ERICH3: variants seen among roughly 807,000 people sequenced by gnomAD.
The protein encoded by ERICH3 is glutamate-rich protein 3.
ERICH3 carries 126 observed loss-of-function variants against 131.1 expected under a neutral mutation model. The observed-to-expected ratio is 0.96, with a 90% CI of 0.83 to 1.11. The LOEUF (loss-of-function observed/expected upper bound fraction) is 1.11. ERICH3 is among the 50% of genes most tolerant of loss of function. The probability of loss-of-function intolerance (pLI) is 0.00; values close to 1 mark genes in which losing one functional copy is unlikely to be tolerated. For synonymous variants in ERICH3, 695 were observed against 644.6 expected, an observed-to-expected ratio of 1.08 and a Z score of -1.18; for missense variants, 2,050 against 1,810.7, an observed-to-expected ratio of 1.13 and a Z score of -2.40.
At chr1:74,632,740 T>C (rs1488209972) in intron 6 of ERICH3, among the ~76,000 whole-genome samples, 1 of 151,978 alleles carries the variant, frequency 6.6e-6, no homozygotes, top group African/African-American at 2.4e-5. Flanking sequence ...TCATATGGTA[T>C]GACCATAAAT....
intron 12 of ERICH3, among the ~76,000 whole-genome samples, chr1:74,579,220 G>C (rs576331857): frequency 5.5e-4 from 83 of 152,152 alleles, no homozygotes; most frequent in African/African-American, 1.9e-3. Context: ...AATTTATTTG[G>C]CAATTACATG....
chr1:74,654,231 T>G (rs1336588500), intron 1 of ERICH3, among the ~76,000 whole-genome samples: 1 of 152,130 alleles, frequency 6.6e-6, no homozygotes, highest in Non-Finnish European at 1.5e-5. Flanking sequence ...TTTTCTAGCA[T>G]GCACCTCAGA....
chr1:74,657,947 C>T (rs1646601647), intron 1 of ERICH3, among the ~76,000 whole-genome samples: 1 of 152,050 alleles, frequency 6.6e-6, no homozygotes, highest in South Asian at 2.1e-4. Context: ...GAAAGGTGAC[C>T]AGAATGGAAA....
intron 14 of ERICH3, 92 bp downstream of exon 14, chr1:74,571,007 G>C (rs1290541205): frequency 1.4e-6 from 2 of 1,436,300 alleles, no homozygotes; most frequent in Non-Finnish European, 1.9e-6. Flanking sequence ...TATGTGCACA[G>C]ACACCAATAA....
Position 74,589,965 on chromosome 1 carries a change from A to T in ERICH3, c.1842T>A (p.Ser614Arg). The change falls in exon 12 of 15, where the codon AGT becomes AGA. Residue 614 changes from serine (S) to arginine (R), a missense_variant. Coordinates refer to ENST00000326665, the MANE Select transcript of ERICH3 (RefSeq NM_001002912.5). The stretch of plus-strand genomic sequence containing the variant: ...GTTCCTGAGAAGATGACCTTCTGGC[A>T]CTTTCATCTGTGCTGCTGTCAGTGT... ...EAHTDSSTDE[S>R]ARRSSSQELS... is the part of the protein sequence containing the mutation. The T allele has an allele frequency of 6.2e-7, 1 of 1,614,000 alleles. No homozygotes were observed. Among genetic ancestry groups the T allele is most frequent in the Non-Finnish European group, 8.5e-7 (1 of 1,179,936 alleles).
At chr1:74,642,552 T>C (rs1163781611) in intron 4 of ERICH3, among the ~76,000 whole-genome samples, 1 of 151,746 alleles carries the variant, frequency 6.6e-6, no homozygotes, top group Non-Finnish European at 1.5e-5. Context: ...TTAAAATGCA[T>C]TTTACAAAAT....
chr1:74,649,382 A>C (rs192815339), intron 1 of ERICH3, 67 bp from the exon 2 acceptor site: 2 of 1,235,362 alleles, frequency 1.6e-6, no homozygotes, highest in Admixed American at 3.5e-5. Context: ...GCAATTCTTT[A>C]CTGTTTCCCC....
Position 74,641,428 on chromosome 1 carries a change from T to G in ERICH3, c.347A>C (p.Asn116Thr), listed in dbSNP as rs754234987. The G allele has an allele frequency of 3.1e-6, 5 of 1,610,926 alleles. No homozygotes were observed. The highest frequency in any genetic ancestry group is 1.7e-5 in the Admixed American group (1 of 59,180). The change falls in exon 5 of 15, where the codon AAC becomes ACC. Residue 116 changes from asparagine to threonine, a missense_variant. Coordinates refer to ENST00000326665, the MANE Select transcript of ERICH3 (RefSeq NM_001002912.5). ...TGGGTGGGGAGACAGGATTGGCATG[T>G]TATTTTCAACAGACCTTCTTGTGTG... is the stretch of plus-strand genomic sequence containing the variant. ...GEHTRRSVEN[N>T]MPILSPHPPV...
chr1:74,582,532 T>A (rs1356980395), intron 12 of ERICH3, among the ~76,000 whole-genome samples: 1 of 152,182 alleles, frequency 6.6e-6, no homozygotes, highest in Non-Finnish European at 1.5e-5. Context: ...TGTTTCTAAT[T>A]AACATTCTCC....
chr1:74,629,965 G>A (rs1273585795), intron 7 of ERICH3, among the ~76,000 whole-genome samples: 1 of 152,120 alleles, frequency 6.6e-6, no homozygotes, highest in African/African-American at 2.4e-5. Context: ...TAATATGATA[G>A]AGTTCATCGT....
At chr1:74,642,622 G>GCC (rs1646446531) in intron 4 of ERICH3, among the ~76,000 whole-genome samples, 2 of 151,818 alleles carry the variant, frequency 1.3e-5, no homozygotes, top group Non-Finnish European at 2.9e-5. Flanking sequence ...TATTTCCAAG[G>GCC]GTCACATTCA....
At chr1:74,619,326 A>G (rs535433452) in intron 8 of ERICH3, among the ~76,000 whole-genome samples, 4 of 152,296 alleles carry the variant, frequency 2.6e-5, no homozygotes, top group African/African-American at 7.2e-5. Context: ...TAGATGTTTT[A>G]TATGCATTTT....
chr1:74,655,289 A>C (rs192750098), intron 1 of ERICH3, among the ~76,000 whole-genome samples: 54 of 152,318 alleles, frequency 3.5e-4, no homozygotes, highest in African/African-American at 1.3e-3. Flanking sequence ...ATAACAAATT[A>C]CCACATACTA....
intron 8 of ERICH3, among the ~76,000 whole-genome samples, chr1:74,619,785 CA>C (rs1557686541): frequency 6.6e-6 from 1 of 152,198 alleles, no homozygotes; most frequent in Non-Finnish European, 1.5e-5. Flanking sequence ...CATCATTGAG[CA>C]TCATATTGTG....
chr1:74,577,140 A>G (rs1393744654), intron 12 of ERICH3: 2 of 475,130 alleles, frequency 4.2e-6, no homozygotes, highest in Non-Finnish European at 7.4e-6. Context: ...AATCCTAGAC[A>G]TCAATATATT....
rs1407242553 is a variant in ERICH3, at chr1:74,569,761, A to G, written c.*697T>C. 6.6e-6 allele frequency: 1 copy of G among 152,210 alleles called. No homozygotes were observed. The highest frequency in any genetic ancestry group is 1.5e-5 in the Non-Finnish European group (1 of 68,036). 9.4% of individuals were successfully genotyped at this position (152,210 alleles called of 1,614,324 possible). A position where few individuals can be genotyped will look rare whatever the true frequency, so the allele number is the denominator to read the frequency against. Reference sequence around the variant, plus strand: ...CTGGAAGCTACCATTTTACTAGTCTACCCCAGAAAGCAGAACTACAGAAAC... The same window carrying G: ...CTGGAAGCTACCATTTTACTAGTCTGCCCCAGAAAGCAGAACTACAGAAAC... On this transcript the variant is annotated 3_prime_UTR_variant, in exon 15 of 15. Transcript: ENST00000326665.
At chr1:74,627,338 G>A (rs543723558) in intron 7 of ERICH3, among the ~76,000 whole-genome samples, 5 of 152,188 alleles carry the variant, frequency 3.3e-5, no homozygotes, top group African/African-American at 9.6e-5. Flanking sequence ...AGGAGACCCC[G>A]AGGAAGCATG....
At position 74,571,678 on chromosome 1, in the gene ERICH3, G is replaced by C; in HGVS notation, c.4032C>G (p.His1344Gln). The C allele has an allele frequency of 1.2e-6, 2 of 1,613,998 alleles. No homozygotes were observed. The highest frequency in any genetic ancestry group is 1.7e-6 in the Non-Finnish European group (2 of 1,179,998). Residue 1344 changes from histidine to glutamine, a missense_variant, in exon 14 of 15, where the codon CAC becomes CAG. By Grantham distance (24) the His-to-Gln change is conservative (BLOSUM62 0). Coordinates refer to ENST00000326665, the MANE Select transcript of ERICH3 (RefSeq NM_001002912.5). The stretch of plus-strand genomic sequence containing the variant: ...CTGTTTCTGCCGTTTCACCACCTCC[G>C]TGTAGAACTTCCACAGCCACAACCC... ...GGRVVAVEVL[H>Q]GGGETAETAA...
chr1:74,665,828 G>A (rs1170616345), intron 1 of ERICH3, among the ~76,000 whole-genome samples: 1 of 152,110 alleles, frequency 6.6e-6, no homozygotes, highest in Non-Finnish European at 1.5e-5. Context: ...TGAGGGTTAG[G>A]ACTTCAACAT....
Sources: allele counts gnomAD v4.1 joint callset (sites outside exome capture counted in the v4.1 genomes callset), GRCh38; gene constraint gnomAD v4.1.1; transcripts MANE v1.5; gene names NCBI Gene and HGNC (gene_info 2026-07-23, HGNC 2026-07-21).